NOL6: variants seen among roughly 807,000 people sequenced by gnomAD.
NOL6 encodes nucleolar RNA-associated protein.
A neutral mutation model predicts 131.7 loss-of-function variants in NOL6; 33 were observed. The observed-to-expected ratio is 0.25, with a 90% CI of 0.19 to 0.33. The LOEUF (loss-of-function observed/expected upper bound fraction) is 0.33, where lower values mean the gene tolerates loss of function less well. Among genes scored for constraint, NOL6 ranks in the 10% least tolerant of loss-of-function variants. NOL6 has a pLI of 1.00. For synonymous variants in NOL6, 580 were observed against 605.7 expected, an observed-to-expected ratio of 0.96 and a Z score of 0.62; for missense variants, 1,297 against 1,494.5, an observed-to-expected ratio of 0.87 and a Z score of 2.18.
chr9:33,472,120 C>G lies in NOL6; in HGVS notation c.262G>C (p.Val88Leu), dbSNP rs1199678533. 6.2e-7 allele frequency: 1 copy of G among 1,613,976 alleles called. No individual in the cohort carries two copies. The highest frequency in any genetic ancestry group is 1.7e-5 in the Admixed American group (1 of 60,014). ...LFHSSLLRLQ[V>L]EELLKEVRLS... ...CTTACTTCCTTTAGTAGCTCCTCTA[C>G]CTGTAAGAGAGGGTAGAAGACAGTC... The change falls in exon 3 of 26, where the codon GTA (valine) becomes CTA (leucine). Residue 88 changes from valine (V) to leucine (L), a missense_variant and splice_region_variant. Transcript: ENST00000297990.
chr9:33,462,921 C>G (rs1184689325), intron 25 of NOL6, 108 bp from the exon 26 acceptor site: 17 of 1,545,480 alleles, frequency 1.1e-5, no homozygotes, highest in South Asian at 2.3e-5. Context: ...CAAGCCCATA[C>G]ACTCCGCACC....
intron 11 of NOL6, 21 bp downstream of exon 11, chr9:33,468,009 C>A (rs373401602): frequency 7.7e-5 from 124 of 1,613,986 alleles, no homozygotes; most frequent in Middle Eastern, 6.6e-4. Context: ...CGCCAACATA[C>A]CCTGTCACCC....
At chr9:33,464,820 T>TGCCTGC (rs1276716158) in intron 21 of NOL6, 59 bp downstream of exon 21, 1 of 1,270,040 alleles carries the variant, frequency 7.9e-7, no homozygotes, top group Non-Finnish European at 1.1e-6. Flanking sequence ...GGGAAACCCT[T>TGCCTGC]GCCTGCAATC....
Position 33,462,085 on chromosome 9 carries a change from G to A in NOL6, c.*579C>T, listed in dbSNP as rs1403780313. On this transcript the variant is annotated 3_prime_UTR_variant, in exon 26 of 26. Coordinates refer to ENST00000297990, the MANE Select transcript of NOL6 (RefSeq NM_022917.5). ...GTTCTTTTCCACTGTCTCCACCCTGGGAAGTGGCATCAACACAGGAGGGCA... is the reference window on the plus strand; with the variant it reads ...GTTCTTTTCCACTGTCTCCACCCTGAGAAGTGGCATCAACACAGGAGGGCA... The A allele has an allele frequency of 5.6e-6, 4 of 713,586 alleles. No homozygotes were observed. The highest frequency in any genetic ancestry group is 1.0e-5 in the Non-Finnish European group (4 of 382,220). 44.2% of individuals were successfully genotyped at this position (713,586 alleles called of 1,614,324 possible). A position where few individuals can be genotyped will look rare whatever the true frequency, so the allele number is the denominator to read the frequency against.
chr9:33,467,242 G>A lies in NOL6; in HGVS notation c.1746C>T (p.Phe582=). 1 of 1,614,176 alleles carries A rather than the reference G, an allele frequency of 6.2e-7. No homozygotes were observed. The highest frequency in any genetic ancestry group is 8.5e-7 in the Non-Finnish European group (1 of 1,180,014). The part of the protein sequence containing the change: ...DQPEAAKFRQ[F]WGSRSELRRF... ...GCCGAAGCTCCGAGCGGGATCCCCA[G>A]AACTGGCGGAATTTAGCAGCCTGAG... is the stretch of plus-strand genomic sequence containing the variant. The change falls in exon 14 of 26, where the codon TTC becomes TTT. Residue 582 remains phenylalanine (F), a synonymous_variant. Transcript: ENST00000297990. The surrounding 1 kb of genome is among the most constrained non-coding windows in gnomAD (Gnocchi z 4.4).
In NOL6 at chr9:33,470,103, G is replaced by A; in HGVS notation, c.467C>T (p.Pro156Leu). ...YAVKGCFRFL[P>L]PAQVTVVGSY... ...GCCCACAACAGTAACCTGGGCTGGG[G>A]GCAGGAAGCGGAAACAGCCCTTCAC... The change falls in exon 4 of 26, where the codon CCC becomes CTC. Residue 156 changes from proline to leucine, a missense_variant. Physicochemically the swap from Pro to Leu is moderately conservative, Grantham distance 98 (BLOSUM62 -3). Coordinates refer to ENST00000297990, the MANE Select transcript of NOL6 (RefSeq NM_022917.5). The A allele has an allele frequency of 6.2e-7, 1 of 1,613,136 alleles. No homozygotes were observed. The highest frequency in any genetic ancestry group is 8.5e-7 in the Non-Finnish European group (1 of 1,179,360).
rs531092025 is a variant in NOL6, at chr9:33,471,346, T to C, written c.378+658A>G. ...AATAAAATCCAGCAGTGGCTCCCCA[T>C]CTCACCCAGAGCAACAGCCAAAGTC... On this transcript the variant is annotated intron_variant, in intron 3 of 25. Coordinates refer to ENST00000297990, the MANE Select transcript of NOL6 (RefSeq NM_022917.5). Among the ~76,000 whole-genome samples, 11 of 152,358 alleles carry C rather than the reference T, an allele frequency of 7.2e-5. No homozygotes were observed. In the South Asian group the frequency reaches 2.3e-3, roughly 32 times the overall value.
At position 33,467,597 on chromosome 9, in the gene NOL6, C is replaced by T. The variant is rs3860990; in HGVS notation, c.1603-81G>A. The T allele has an allele frequency of 0.1, 165,188 of 1,580,118 alleles. 9,568 individuals are homozygous for T. The highest frequency in any genetic ancestry group is 0.12 in the Middle Eastern group (725 of 5,888). On this transcript the variant is annotated intron_variant, in intron 12 of 25. Transcript: ENST00000297990. This position sits in a 1 kb window ranked among gnomAD's most constrained non-coding sequence, Gnocchi z 4.4. ...AACCTACTTTCTAGCTAGCTAGAAA[C>T]GCCTAGCTGGAGGAATGGTGTGTCC... is the stretch of plus-strand genomic sequence containing the variant.
rs749359544 is a variant in NOL6 at position 33,472,271 on chromosome 9, T to G, written c.196A>C (p.Asn66His). 8 of 1,614,194 alleles carry G rather than the reference T, an allele frequency of 5.0e-6. No homozygotes were observed. Among genetic ancestry groups the G allele is most frequent in the Non-Finnish European group, 4.2e-6 (5 of 1,180,034 alleles). Residue 66 changes from asparagine (N) to histidine (H), a missense_variant, in exon 2 of 26, where the codon AAT becomes CAT. By Grantham distance (68) the Asn-to-His change is moderately conservative. Coordinates refer to ENST00000297990, the MANE Select transcript of NOL6 (RefSeq NM_022917.5). The stretch of plus-strand genomic sequence containing the variant: ...TCCCGAAGGCGATTAAGCTCCTCAT[T>G]GGTAGGCTCCTTGTACAGTTCTGCC... Reference protein sequence around the residue: ...SRAELYKEPTNEELNRLRETE... With the variant: ...SRAELYKEPTHEELNRLRETE...
intron 3 of NOL6, 46 bp downstream of exon 3, chr9:33,471,958 T>C (rs748576907): frequency 2.3e-6 from 3 of 1,333,144 alleles, no homozygotes; most frequent in Non-Finnish European, 3.2e-6. Context: ...ATACCCCCAC[T>C]GGAGGTCTCT....
In NOL6 at chr9:33,469,765, C is replaced by G. The variant is rs190545741; in HGVS notation, c.559-98G>C. 6 of 1,447,434 alleles carry G rather than the reference C, an allele frequency of 4.1e-6. No individual in the cohort carries two copies. The East Asian group carries it at 1.4e-4, about 33-fold the overall frequency. 89.7% of individuals were successfully genotyped at this position (1,447,434 alleles called of 1,614,324 possible). The stretch of plus-strand genomic sequence containing the variant: ...AGGTGAGAGAGCCAGGGCTCCTCTG[C>G]TGACAGAAGTGCCTGAGCCACGGTT... On this transcript the variant is annotated intron_variant, in intron 4 of 25. Transcript: ENST00000297990.
chr9:33,471,386 C>T (rs1215525298), intron 3 of NOL6, among the ~76,000 whole-genome samples: 1 of 152,248 alleles, frequency 6.6e-6, no homozygotes, highest in Non-Finnish European at 1.5e-5. Flanking sequence ...CTTCGGGACA[C>T]AATGCCCTGC....
intron 19 of NOL6, among the ~76,000 whole-genome samples, 161 bp from the exon 20 acceptor site, chr9:33,465,520 TAC>T (rs1465493969): frequency 6.6e-6 from 1 of 152,346 alleles, no homozygotes. Flanking sequence ...ATTTCCATTT[TAC>T]AGATGACAAA....
Position 33,462,491 on chromosome 9 carries a change from A to T in NOL6, c.*173T>A, listed in dbSNP as rs1395410314. The T allele has an allele frequency of 1.4e-6, 1 of 710,240 alleles. No homozygotes were observed. Among genetic ancestry groups the T allele is most frequent in the East Asian group, 2.7e-5 (1 of 36,924 alleles). 44.0% of individuals were successfully genotyped at this position (710,240 alleles called of 1,614,324 possible). On this transcript the variant is annotated 3_prime_UTR_variant, in exon 26 of 26. Coordinates refer to ENST00000297990, the MANE Select transcript of NOL6 (RefSeq NM_022917.5). ...CACCATGCCCCTGCCCCAATGCTGGAGCATCAGAGAGAAAGTTGGGGCTGG... is the reference window on the plus strand; with the variant it reads ...CACCATGCCCCTGCCCCAATGCTGGTGCATCAGAGAGAAAGTTGGGGCTGG...
Position 33,467,621 on chromosome 9 carries a change from C to G in NOL6, c.1602+70G>C, listed in dbSNP as rs901481273. 5.8e-6 allele frequency: 9 copies of G among 1,561,254 alleles called. No homozygotes were observed. The highest frequency in any genetic ancestry group is 1.2e-5 in the South Asian group (1 of 82,418). On this transcript the variant is annotated intron_variant, in intron 12 of 25. Coordinates refer to ENST00000297990, the MANE Select transcript of NOL6 (RefSeq NM_022917.5). This position sits in a 1 kb window ranked among gnomAD's most constrained non-coding sequence, Gnocchi z 4.4. The stretch of plus-strand genomic sequence containing the variant: ...ACGCCTAGCTGGAGGAATGGTGTGT[C>G]CTTTGTGTCTCTTGGGACCCTGGAT...
chr9:33,463,761 T>C (rs1827164007), intron 23 of NOL6, 70 bp downstream of exon 23: 6 of 1,507,526 alleles, frequency 4.0e-6, no homozygotes, highest in Non-Finnish European at 4.6e-6. Context: ...TCCTGTGAGA[T>C]CCCTGAACGC....
Position 33,467,596 on chromosome 9 carries a change from A to G in NOL6, c.1603-80T>C. 1 of 1,583,528 alleles carries G rather than the reference A, an allele frequency of 6.3e-7. No homozygotes were observed. Among genetic ancestry groups the G allele is most frequent in the South Asian group, 1.1e-5 (1 of 86,970 alleles). On this transcript the variant is annotated intron_variant, in intron 12 of 25. Coordinates refer to ENST00000297990, the MANE Select transcript of NOL6 (RefSeq NM_022917.5). This position sits in a 1 kb window ranked among gnomAD's most constrained non-coding sequence, Gnocchi z 4.4. ...AAACCTACTTTCTAGCTAGCTAGAA[A>G]CGCCTAGCTGGAGGAATGGTGTGTC...
At position 33,467,843 on chromosome 9, in the gene NOL6, C is replaced by A. The variant is rs1587221209; in HGVS notation, c.1450G>T (p.Ala484Ser). The A allele has an allele frequency of 6.3e-7, 1 of 1,595,042 alleles. No individual in the cohort carries two copies. The highest frequency in any genetic ancestry group is 8.5e-7 in the Non-Finnish European group (1 of 1,170,288). Residue 484 changes from alanine (A) to serine (S), a missense_variant, in exon 12 of 26, where the codon GCA (alanine) becomes TCA (serine). By Grantham distance (99) the Ala-to-Ser change is moderately conservative (BLOSUM62 1). Coordinates refer to ENST00000297990, the MANE Select transcript of NOL6 (RefSeq NM_022917.5). This position sits in a 1 kb window ranked among gnomAD's most constrained non-coding sequence, Gnocchi z 4.4. Reference protein sequence around the residue: ...LHLRPLSRLQAACHRLKLWPE... With the variant: ...LHLRPLSRLQSACHRLKLWPE... ...CAGAGCTTCAGCCGGTGGCACGCTGCCTGCAGGCGACTCAGTGGACGGAGA... is the reference window on the plus strand; with the variant it reads ...CAGAGCTTCAGCCGGTGGCACGCTGACTGCAGGCGACTCAGTGGACGGAGA...
At chr9:33,468,699 A>G in intron 8 of NOL6, 53 bp downstream of exon 8, 2 of 1,612,306 alleles carry the variant, frequency 1.2e-6, no homozygotes, top group Non-Finnish European at 1.7e-6. Flanking sequence ...CTGGGATGAG[A>G]GGATTCCCAG....
Sources: allele counts gnomAD v4.1 joint callset (sites outside exome capture counted in the v4.1 genomes callset), GRCh38; gene constraint gnomAD v4.1.1; non-coding constraint Gnocchi (gnomAD v3.1); transcripts MANE v1.5; gene names NCBI Gene and HGNC (gene_info 2026-07-23, HGNC 2026-07-21).